The following LAMA2 variants were observed in gnomAD, a reference collection of about 807,000 sequenced individuals.
The protein encoded by LAMA2 is laminin subunit alpha-2.
LAMA2 carries 269 observed loss-of-function variants against 364.8 expected under a neutral mutation model. The ratio of observed to expected loss-of-function variants is 0.74; its 90% confidence interval spans 0.67 to 0.82. The LOEUF is 0.82. Ranked by LOEUF, LAMA2 falls within the 40% of genes least tolerant of loss-of-function variation. The pLI, the probability that LAMA2 is intolerant of heterozygous loss-of-function variation, is 0.00. For synonymous variants in LAMA2, 1,379 were observed against 1,370.6 expected (o/e 1.01, Z -0.14); for missense variants, 3,807 against 3,873.2 (o/e 0.98, Z 0.45).
At chr6:129,099,494 C>G (rs529945679) in intron 4 of LAMA2, among the ~76,000 whole-genome samples, 24 of 151,942 alleles carry the variant, frequency 1.6e-4, no homozygotes, top group Non-Finnish European at 2.8e-4. Context: ...ATATGTGACC[C>G]ACCTCCTTTC....
chr6:129,306,520 A>G (rs770839459), intron 22 of LAMA2, among the ~76,000 whole-genome samples: 2 of 151,704 alleles, frequency 1.3e-5, no homozygotes, highest in Non-Finnish European at 2.9e-5. Flanking sequence ...TTTGGAAATG[A>G]AAGTTGTCAG....
intron 20 of LAMA2, among the ~76,000 whole-genome samples, chr6:129,293,990 G>T (rs1421046930): frequency 6.6e-6 from 1 of 152,120 alleles, no homozygotes; most frequent in Non-Finnish European, 1.5e-5. Flanking sequence ...CACTTCAGAG[G>T]GTTTATGTCT....
chr6:128,922,374 T>G (rs1322361956), intron 1 of LAMA2, among the ~76,000 whole-genome samples: 1 of 151,684 alleles, frequency 6.6e-6, no homozygotes, highest in Non-Finnish European at 1.5e-5. Context: ...CCCCTGTTGT[T>G]TCCTGACTTT....
At chr6:129,352,192 A>G (rs889359915) in intron 31 of LAMA2, among the ~76,000 whole-genome samples, 3 of 152,248 alleles carry the variant, frequency 2.0e-5, no homozygotes, top group Non-Finnish European at 4.4e-5. Context: ...AGCCAAAACA[A>G]CAGGTAATAG....
intron 1 of LAMA2, among the ~76,000 whole-genome samples, chr6:128,909,761 G>C (rs1430977417): frequency 3.3e-5 from 5 of 152,072 alleles, no homozygotes; most frequent in Admixed American, 3.3e-4. Flanking sequence ...GCATGATTTT[G>C]CAGTGGCTTG....
At chr6:129,464,533 T>G (rs1239353745) in intron 50 of LAMA2, 81 bp downstream of exon 50, 14 of 1,192,464 alleles carry the variant, frequency 1.2e-5, no homozygotes, top group Non-Finnish European at 1.8e-5. Context: ...AATCATCAGT[T>G]ATTGGTAAAA....
chr6:128,944,934 C>T (rs1780400274), intron 1 of LAMA2, among the ~76,000 whole-genome samples: 1 of 152,130 alleles, frequency 6.6e-6, no homozygotes, highest in African/African-American at 2.4e-5. Context: ...CAATCATCTC[C>T]CACCAGGCCC....
Position 129,464,331 on chromosome 6 carries a change from G to C in LAMA2, c.7034G>C (p.Gly2345Ala). The change falls in exon 50 of 65, where the codon GGA (glycine) becomes GCA (alanine). Residue 2345 changes from glycine (G) to alanine (A), a missense_variant. Physicochemically the swap from Gly to Ala is moderately conservative, Grantham distance 60. This residue lies in a region of LAMA2 where 3,333 missense variants were observed against 3,345.7 expected (regional missense o/e 1.00). Transcript: ENST00000421865. Reference sequence around the variant, plus strand: ...AGTGAGGGGACTATTCAATTTGATGGAGAAGGTTATGCATTGGTCAGCCGT... The same window carrying C: ...AGTGAGGGGACTATTCAATTTGATGCAGAAGGTTATGCATTGGTCAGCCGT... ...EDSEGTIQFDGEGYALVSRPI... is the reference protein window; with the variant it reads ...EDSEGTIQFDAEGYALVSRPI... The C allele has an allele frequency of 6.2e-7, 1 of 1,612,206 alleles. No homozygotes were observed. Among genetic ancestry groups the C allele is most frequent in the South Asian group, 1.1e-5 (1 of 91,062 alleles).
intron 12 of LAMA2, among the ~76,000 whole-genome samples, chr6:129,231,988 C>T (rs978921798): frequency 2.4e-4 from 36 of 152,074 alleles, no homozygotes; most frequent in African/African-American, 8.4e-4. Context: ...GTTCCAAATA[C>T]CTTTCAAAAA....
intron 12 of LAMA2, among the ~76,000 whole-genome samples, chr6:129,205,489 TATATACACACACACAC>T (rs1330244230): frequency 2.3e-5 from 3 of 130,514 alleles, no homozygotes; most frequent in African/African-American, 3.4e-5. Context: ...TATATATATA[TATATACACACACACAC>T]ACACACACAC....
intron 1 of LAMA2, among the ~76,000 whole-genome samples, chr6:129,005,452 A>G (rs1784390964): frequency 6.6e-6 from 1 of 151,992 alleles, no homozygotes; most frequent in South Asian, 2.1e-4. Flanking sequence ...ATAATATCAA[A>G]GAAAACCTGC....
chr6:129,332,980 C>T (rs1358846736), intron 29 of LAMA2, among the ~76,000 whole-genome samples: 1 of 150,656 alleles, frequency 6.6e-6, no homozygotes, highest in African/African-American at 2.5e-5. Context: ...GCAACCTCCA[C>T]CTCCCAGGTT....
At chr6:129,019,741 A>G (rs1402683714) in intron 1 of LAMA2, among the ~76,000 whole-genome samples, 2 of 152,158 alleles carry the variant, frequency 1.3e-5, no homozygotes, top group African/African-American at 4.8e-5. Context: ...ACTAACATTT[A>G]ACTGTGATAT....
chr6:129,168,377 A>C (rs1463981629), intron 9 of LAMA2, among the ~76,000 whole-genome samples: 8 of 152,074 alleles, frequency 5.3e-5, no homozygotes, highest in Non-Finnish European at 7.4e-5. Flanking sequence ...TCAGCTTTCT[A>C]CATATGGCTA....
chr6:129,011,259 C>G (rs569364109), intron 1 of LAMA2, among the ~76,000 whole-genome samples: 1 of 152,188 alleles, frequency 6.6e-6, no homozygotes, highest in Non-Finnish European at 1.5e-5. Flanking sequence ...GCTACTAAGA[C>G]ACACAGGAGT....
chr6:129,249,245 G>T (rs1172838818), intron 12 of LAMA2, among the ~76,000 whole-genome samples: 2 of 152,128 alleles, frequency 1.3e-5, no homozygotes, highest in East Asian at 1.9e-4. Flanking sequence ...GCAGAATACA[G>T]ATCATCAGCT....
chr6:129,164,266 C>T (rs1438707585), intron 8 of LAMA2, among the ~76,000 whole-genome samples: 1 of 152,138 alleles, frequency 6.6e-6, no homozygotes, highest in African/African-American at 2.4e-5. Flanking sequence ...ATTCATATCC[C>T]TGGTGCGACA....
chr6:129,120,771 T>C (rs542577769), intron 4 of LAMA2, among the ~76,000 whole-genome samples: 122 of 152,334 alleles, frequency 8.0e-4, no homozygotes, highest in African/African-American at 2.8e-3. Context: ...ATTAATATCC[T>C]CGGGTATACA....
intron 1 of LAMA2, among the ~76,000 whole-genome samples, chr6:128,900,451 G>A (rs1002438638): frequency 2.6e-5 from 4 of 152,094 alleles, no homozygotes; most frequent in Admixed American, 2.6e-4. Context: ...AAATAGAAAA[G>A]GAAGAGCTAA....
Sources: gnomAD v4.1 joint callset for allele counts (sites outside exome capture counted in the v4.1 genomes callset) on GRCh38, gnomAD v4.1.1 for gene constraint, gnomAD v4.1.1 regional missense constraint, MANE v1.5 for transcripts, NCBI Gene and HGNC (gene_info 2026-07-23, HGNC 2026-07-21) for gene names.